Variants in CLSTN2 observed in about 807,000 individuals in gnomAD.
CLSTN2 encodes calsyntenin 2.
A neutral mutation model predicts 101.2 loss-of-function variants in CLSTN2; 48 were observed. The ratio of observed to expected loss-of-function variants is 0.47; its 90% CI spans 0.38 to 0.60. The LOEUF (loss-of-function observed/expected upper bound fraction) is 0.60. CLSTN2 is among the 20% of genes least tolerant of loss of function. CLSTN2 has a pLI of 0.00. For missense variants in CLSTN2, 1,160 were observed against 1,238.2 expected (o/e 0.94, Z 0.95); for synonymous variants, 481 against 463.6 (o/e 1.04, Z -0.48).
intron 5 of CLSTN2, among the ~76,000 whole-genome samples, chr3:140,428,440 C>T (rs1481398355): frequency 1.3e-5 from 2 of 152,124 alleles, no homozygotes; most frequent in Non-Finnish European, 1.5e-5. Flanking sequence ...TGAAGAGAGC[C>T]ACCGGAGACT....
chr3:140,558,882 G>T lies in CLSTN2; in HGVS notation c.2041+25G>T. On this transcript the variant is annotated intron_variant, in intron 12 of 16. Transcript: ENST00000458420. The stretch of plus-strand genomic sequence containing the variant: ...GGTACAGGTGCATTTGAGTTTGTGG[G>T]GAGGGTGGACCTTAATTTTTTACAG... 3 of 1,599,798 alleles carry T rather than the reference G, an allele frequency of 1.9e-6. No homozygotes were observed. In the South Asian group the frequency reaches 3.3e-5, roughly 18 times the overall value.
At chr3:140,524,815 T>C (rs372411185) in intron 8 of CLSTN2, among the ~76,000 whole-genome samples, 1 of 152,108 alleles carries the variant, frequency 6.6e-6, no homozygotes, top group Non-Finnish European at 1.5e-5. Flanking sequence ...CATGAAAACA[T>C]GGAAATTAAA....
At chr3:140,271,118 C>T (rs373651334) in intron 2 of CLSTN2, among the ~76,000 whole-genome samples, 5 of 152,266 alleles carry the variant, frequency 3.3e-5, no homozygotes, top group South Asian at 2.1e-4. Context: ...GCTGATGGCT[C>T]GGTGCATCAT....
At chr3:140,367,874 T>C (rs1023625081) in intron 2 of CLSTN2, among the ~76,000 whole-genome samples, 1 of 152,198 alleles carries the variant, frequency 6.6e-6, no homozygotes, top group Admixed American at 6.5e-5. Context: ...GTTTCAGTTC[T>C]CAGCTTGAGG....
intron 2 of CLSTN2, among the ~76,000 whole-genome samples, chr3:140,296,784 G>A (rs2087009573): frequency 6.6e-6 from 1 of 152,182 alleles, no homozygotes; most frequent in South Asian, 2.1e-4. Flanking sequence ...AGGCTATATT[G>A]TCACATTCGT....
At chr3:140,059,094 C>T (rs2008152054) in intron 1 of CLSTN2, among the ~76,000 whole-genome samples, 1 of 152,248 alleles carries the variant, frequency 6.6e-6, no homozygotes, top group Non-Finnish European at 1.5e-5. Flanking sequence ...TGGGTTCAAG[C>T]CCCAGTTCCA....
At chr3:140,117,392 C>T (rs191981606) in intron 1 of CLSTN2, among the ~76,000 whole-genome samples, 242 of 152,232 alleles carry the variant, frequency 1.6e-3, no homozygotes, top group Non-Finnish European at 2.0e-3. Context: ...CAGAACTTCC[C>T]GAAGCTTTCA....
chr3:140,450,291 C>T (rs1163735448), intron 6 of CLSTN2, among the ~76,000 whole-genome samples: 2 of 152,296 alleles, frequency 1.3e-5, no homozygotes, highest in Admixed American at 6.5e-5. Flanking sequence ...CATTTTAGCT[C>T]AGTATCCACT....
chr3:140,534,500 T>C (rs1350433605), intron 9 of CLSTN2, among the ~76,000 whole-genome samples: 2 of 152,208 alleles, frequency 1.3e-5, no homozygotes, highest in Non-Finnish European at 2.9e-5. Context: ...TGCACTGCAA[T>C]GACAACAAGC....
At chr3:140,334,975 AG>A (rs575123955) in intron 2 of CLSTN2, among the ~76,000 whole-genome samples, 106 of 152,216 alleles carry the variant, frequency 7.0e-4, no homozygotes, top group Non-Finnish European at 1.3e-3. Context: ...CCTTGTCTCC[AG>A]GGGAGCTGGC....
intron 1 of CLSTN2, among the ~76,000 whole-genome samples, chr3:140,098,846 G>A (rs2008915020): frequency 6.6e-6 from 1 of 152,198 alleles, no homozygotes; most frequent in South Asian, 2.1e-4. Context: ...TTCCCTAGGA[G>A]CAGGGGTGAG....
chr3:140,352,712 G>A (rs1298669352), intron 2 of CLSTN2, among the ~76,000 whole-genome samples: 9 of 152,148 alleles, frequency 5.9e-5, no homozygotes, highest in Non-Finnish European at 2.9e-5. Context: ...CCTCAGAGCT[G>A]CTCTCTAAAA....
chr3:140,316,012 G>C (rs987188710), intron 2 of CLSTN2, among the ~76,000 whole-genome samples: 1 of 152,160 alleles, frequency 6.6e-6, no homozygotes, highest in African/African-American at 2.4e-5. Context: ...ATTTACCCTT[G>C]TTCTAATTCT....
At chr3:140,018,325 T>C (rs1050993083) in intron 1 of CLSTN2, among the ~76,000 whole-genome samples, 2 of 152,168 alleles carry the variant, frequency 1.3e-5, no homozygotes, top group African/African-American at 4.8e-5. Flanking sequence ...AGGGGAGACA[T>C]TTTGCCATAA....
At chr3:140,264,375 A>AATATATATAT (rs61248635) in intron 2 of CLSTN2, among the ~76,000 whole-genome samples, 51 of 98,506 alleles carry the variant, frequency 5.2e-4, no homozygotes, top group Non-Finnish European at 6.6e-4. Context: ...TAATGAATCA[A>AATATATATAT]ATATATATAT....
At chr3:140,302,515 C>A (rs2087069345) in intron 2 of CLSTN2, among the ~76,000 whole-genome samples, 1 of 152,178 alleles carries the variant, frequency 6.6e-6, no homozygotes, top group Non-Finnish European at 1.5e-5. Flanking sequence ...CTTATTAATT[C>A]TAGGTTTGCA....
chr3:140,537,476 G>A (rs535923097), intron 9 of CLSTN2, among the ~76,000 whole-genome samples: 1 of 152,116 alleles, frequency 6.6e-6, no homozygotes, highest in South Asian at 2.1e-4. Flanking sequence ...AAAGGCCTGT[G>A]CAGTCGGGAT....
At chr3:140,554,071 G>C (rs1345481661) in intron 10 of CLSTN2, among the ~76,000 whole-genome samples, 1 of 152,146 alleles carries the variant, frequency 6.6e-6, no homozygotes, top group Non-Finnish European at 1.5e-5. Context: ...GTGCTCAGGG[G>C]CTACTGGCCA....
chr3:140,077,839 G>A (rs908172395), intron 1 of CLSTN2, among the ~76,000 whole-genome samples: 10 of 151,574 alleles, frequency 6.6e-5, no homozygotes, highest in East Asian at 3.9e-4. Context: ...TGGAATGGCC[G>A]GTTTGCTCCC....
Sources: allele counts gnomAD v4.1 joint callset (sites outside exome capture counted in the v4.1 genomes callset), GRCh38; gene constraint gnomAD v4.1.1; transcripts MANE v1.5; gene names NCBI Gene and HGNC (gene_info 2026-07-23, HGNC 2026-07-21).